The following RPS6KA5 variants were observed in gnomAD, a reference collection of about 807,000 sequenced individuals.
RPS6KA5 encodes the protein ribosomal protein S6 kinase A5.
RPS6KA5 carries 27 observed loss-of-function variants against 85.5 expected under a neutral mutation model. That is an observed-to-expected ratio of 0.32 (90% CI 0.23 to 0.44). The LOEUF (loss-of-function observed/expected upper bound fraction) is 0.44, where lower values mean the gene tolerates loss of function less well. Ranked by LOEUF, RPS6KA5 falls within the 20% of genes least tolerant of loss-of-function variation. The pLI, the probability that RPS6KA5 is intolerant of heterozygous loss-of-function variation, is 1.00. For missense variants in RPS6KA5, 811 were observed against 980.9 expected (o/e 0.83, Z 2.31); for synonymous variants, 334 against 348.2 (o/e 0.96, Z 0.46).
chr14:90,875,394 A>AC, intron 14 of RPS6KA5, 34 bp from the exon 15 acceptor site: 1 of 1,590,486 alleles, frequency 6.3e-7, no homozygotes, highest in Non-Finnish European at 8.6e-7. Flanking sequence ...CAGAATGACT[A>AC]CCCAGATCTG....
chr14:90,888,592 T>C (rs1170540939), intron 14 of RPS6KA5, among the ~76,000 whole-genome samples: 7 of 152,070 alleles, frequency 4.6e-5, no homozygotes, highest in Non-Finnish European at 8.8e-5. Flanking sequence ...AGAAGAACCA[T>C]CCTGCAGGGA....
At chr14:90,996,725 C>T (rs1012039169) in intron 2 of RPS6KA5, among the ~76,000 whole-genome samples, 1 of 152,062 alleles carries the variant, frequency 6.6e-6, no homozygotes, top group East Asian at 1.9e-4. Flanking sequence ...ATTTCTAAAA[C>T]TTTAATATGA....
rs142156138 is a variant in RPS6KA5 at position 90,926,261 on chromosome 14, C to A, written c.619-3065G>T. The stretch of plus-strand genomic sequence containing the variant: ...TCTCTACTAAAAATGCATGGTGGCA[C>A]GTGCCTGTAGTCCCAGCTATTCAGG... On this transcript the variant is annotated intron_variant, in intron 5 of 16. Coordinates refer to ENST00000614987, the MANE Select transcript of RPS6KA5 (RefSeq NM_004755.4). Among the ~76,000 whole-genome samples, 11 of 151,672 alleles carry A rather than the reference C, an allele frequency of 7.3e-5. 1 individual carries two copies. In the South Asian group the frequency reaches 2.3e-3, roughly 32 times the overall value.
In RPS6KA5 at chr14:90,953,225, T is replaced by C. The variant is rs113823918; in HGVS notation, c.395-5675A>G. Among the ~76,000 whole-genome samples, 720 of 152,350 alleles carry C rather than the reference T, an allele frequency of 4.7e-3. 6 individuals carry two copies. Among genetic ancestry groups the C allele is most frequent in the African/African-American group, 0.016 (681 of 41,562 alleles). On this transcript the variant is annotated intron_variant, in intron 3 of 16. Coordinates refer to ENST00000614987, the MANE Select transcript of RPS6KA5 (RefSeq NM_004755.4). The stretch of plus-strand genomic sequence containing the variant: ...GTTCCCAAATAATACTTTTATAATT[T>C]CTTACACCTGTTTTTACTTCAATCT...
chr14:91,014,533 G>A (rs922250966), intron 1 of RPS6KA5, among the ~76,000 whole-genome samples: 2 of 150,314 alleles, frequency 1.3e-5, no homozygotes, highest in African/African-American at 4.9e-5. Context: ...CAAAAAAAAT[G>A]AGTATTATAA....
chr14:90,856,855 A>G lies in RPS6KA5; in HGVS notation c.*15219T>C, dbSNP rs939971215. ...CTCCCACCAGCCCCTGAAAAACACT[A>G]ATCTTTCTGTCTCTATGGATTTGCC... is the stretch of plus-strand genomic sequence containing the variant. On this transcript the variant is annotated 3_prime_UTR_variant, in exon 17 of 17. Transcript: ENST00000614987. The G allele has an allele frequency of 5.9e-6, 1 of 169,652 alleles. No homozygotes were observed. The allele number at this position is 169,652 out of a possible 1,614,324, so 10.5% of individuals were successfully genotyped here.
chr14:91,014,379 G>A (rs554862301), intron 1 of RPS6KA5, among the ~76,000 whole-genome samples: 1 of 151,768 alleles, frequency 6.6e-6, no homozygotes, highest in Non-Finnish European at 1.5e-5. Flanking sequence ...GCGTGCACCT[G>A]TAGTCCCAGC....
chr14:90,909,829 G>C (rs1409244434), intron 7 of RPS6KA5, among the ~76,000 whole-genome samples: 1 of 152,146 alleles, frequency 6.6e-6, no homozygotes, highest in Non-Finnish European at 1.5e-5. Context: ...TTCTCGCTCT[G>C]TTGCCAGGTT....
chr14:90,849,598 G>C lies in RPS6KA5; in HGVS notation c.*22476C>G, dbSNP rs912335413. On this transcript the variant is annotated 3_prime_UTR_variant, in exon 17 of 17. Coordinates refer to ENST00000614987, the MANE Select transcript of RPS6KA5 (RefSeq NM_004755.4). Reference sequence around the variant, plus strand: ...GCAAGATCGGGCACAGCTTCCCTTAGGTGGGAGAAAGAAGGAATACCATGG... The same window carrying C: ...GCAAGATCGGGCACAGCTTCCCTTACGTGGGAGAAAGAAGGAATACCATGG... 1 of 152,360 alleles carries C rather than the reference G, an allele frequency of 6.6e-6. No homozygotes were observed. Among genetic ancestry groups the C allele is most frequent in the Admixed American group, 6.5e-5 (1 of 15,280 alleles). The allele number at this position is 152,360 out of a possible 1,614,324, so 9.4% of individuals were successfully genotyped here.
intron 7 of RPS6KA5, among the ~76,000 whole-genome samples, chr14:90,916,427 T>G (rs977207444): frequency 6.6e-6 from 1 of 152,122 alleles, no homozygotes; most frequent in Non-Finnish European, 1.5e-5. Context: ...AAATAATACA[T>G]TACTTTGAAC....
At chr14:90,931,499 A>G (rs1187106256) in intron 5 of RPS6KA5, among the ~76,000 whole-genome samples, 2 of 152,168 alleles carry the variant, frequency 1.3e-5, no homozygotes, top group African/African-American at 4.8e-5. Flanking sequence ...AACAGTTAAG[A>G]TGGCAATTTT....
chr14:90,884,694 C>A (rs536842650), intron 14 of RPS6KA5, among the ~76,000 whole-genome samples: 1 of 152,198 alleles, frequency 6.6e-6, no homozygotes, highest in African/African-American at 2.4e-5. Context: ...GTCTTCCCAG[C>A]ATCCTCTCTT....
chr14:90,873,848 AAAAC>A, intron 15 of RPS6KA5, 53 bp from the exon 16 acceptor site: 1 of 1,499,672 alleles, frequency 6.7e-7, no homozygotes, highest in Non-Finnish European at 9.2e-7. Flanking sequence ...ACATGGTTTA[AAAAC>A]AAACTCAGAA....
intron 8 of RPS6KA5, among the ~76,000 whole-genome samples, chr14:90,905,178 CAGA>C (rs1336158353): frequency 1.3e-5 from 2 of 151,816 alleles, no homozygotes; most frequent in African/African-American, 4.8e-5. Flanking sequence ...TTTTTGAGCA[CAGA>C]AGAGCAGAGA....
At chr14:90,980,863 G>A (rs1383178236) in intron 2 of RPS6KA5, among the ~76,000 whole-genome samples, 3 of 152,198 alleles carry the variant, frequency 2.0e-5, no homozygotes, top group Non-Finnish European at 4.4e-5. Flanking sequence ...ATTGATGGGA[G>A]GCTCTGTTTG....
intron 1 of RPS6KA5, among the ~76,000 whole-genome samples, chr14:91,053,594 A>T (rs1226681969): frequency 6.6e-6 from 1 of 152,236 alleles, no homozygotes; most frequent in Non-Finnish European, 1.5e-5. Context: ...CTTTTACTAT[A>T]GCATCAAAAA....
chr14:91,034,729 G>A (rs2042330769), intron 1 of RPS6KA5, among the ~76,000 whole-genome samples: 1 of 152,166 alleles, frequency 6.6e-6, no homozygotes, highest in African/African-American at 2.4e-5. Flanking sequence ...TCTTGCTGCG[G>A]TGCACTCTTT....
chr14:90,977,187 T>G lies in RPS6KA5; in HGVS notation c.394+1119A>C, dbSNP rs1286082. On this transcript the variant is annotated intron_variant, in intron 3 of 16. Coordinates refer to ENST00000614987, the MANE Select transcript of RPS6KA5 (RefSeq NM_004755.4). Reference sequence around the variant, plus strand: ...ATACTGTAGGCACTCAAGAAATAGCTAATACTTGCAAAGCACTATGTGAAA... The same window carrying G: ...ATACTGTAGGCACTCAAGAAATAGCGAATACTTGCAAAGCACTATGTGAAA... Among the ~76,000 whole-genome samples, 1,350 of 152,342 alleles carry G rather than the reference T, an allele frequency of 8.9e-3. 21 individuals carry two copies. The highest frequency in any genetic ancestry group is 0.031 in the African/African-American group (1,307 of 41,568).
chr14:90,897,127 C>T (rs1943982859), intron 12 of RPS6KA5, among the ~76,000 whole-genome samples: 1 of 152,200 alleles, frequency 6.6e-6, no homozygotes, highest in Admixed American at 6.5e-5. Context: ...AGTGCTGCAA[C>T]TTTGATCCCT....
Sources: allele counts gnomAD v4.1 joint callset (sites outside exome capture counted in the v4.1 genomes callset), GRCh38; gene constraint gnomAD v4.1.1; transcripts MANE v1.5; gene names NCBI Gene and HGNC (gene_info 2026-07-23, HGNC 2026-07-21).